ARB2A: variants seen among roughly 807,000 people sequenced by gnomAD.
The protein encoded by ARB2A is ARB2 cotranscriptional regulator A.
the ARB2A span, among the ~76,000 whole-genome samples, chr5:94,097,135 C>A: frequency 5.3e-5 from 8 of 152,190 alleles, no homozygotes; most frequent in African/African-American, 1.9e-4. Context: ...CTCCTCTACG[C>A]GGCTTTAGCA....
the ARB2A span, among the ~76,000 whole-genome samples, chr5:94,089,837 A>G: frequency 2.0e-5 from 3 of 152,234 alleles, no homozygotes; most frequent in African/African-American, 7.2e-5. Flanking sequence ...ACTATACAAT[A>G]GATGCCAGGC....
At chr5:93,738,173 A>G in the ARB2A span, 3 of 178,636 alleles carry the variant, frequency 1.7e-5, no homozygotes, top group African/African-American at 2.4e-5. Flanking sequence ...AGAAGATACA[A>G]AATAGACAAT....
At chr5:93,723,755 T>C in the ARB2A span, among the ~76,000 whole-genome samples, 1 of 152,058 alleles carries the variant, frequency 6.6e-6, no homozygotes. Context: ...TAAAAAGGGA[T>C]AATGAAATTT....
At chr5:93,813,559 G>T in the ARB2A span, among the ~76,000 whole-genome samples, 11 of 152,156 alleles carry the variant, frequency 7.2e-5, no homozygotes, top group Non-Finnish European at 8.8e-5. Context: ...CATTTGATAA[G>T]GAGATTAGCA....
the ARB2A span, among the ~76,000 whole-genome samples, chr5:93,756,031 T>TG: frequency 6.6e-6 from 1 of 152,094 alleles, no homozygotes; most frequent in Non-Finnish European, 1.5e-5. Context: ...AGGGCTGTTG[T>TG]GGGGGGCATG....
At chr5:94,046,081 G>A in the ARB2A span, among the ~76,000 whole-genome samples, 4 of 152,144 alleles carry the variant, frequency 2.6e-5, no homozygotes, top group Admixed American at 2.6e-4. Context: ...GGAGAAAACA[G>A]TGTAAGATGG....
the ARB2A span, among the ~76,000 whole-genome samples, chr5:93,936,853 C>T: frequency 6.6e-6 from 1 of 151,618 alleles, no homozygotes; most frequent in Non-Finnish European, 1.5e-5. Context: ...CAAGTGATCA[C>T]TGGTTGTTGT....
chr5:93,904,531 C>T, the ARB2A span, among the ~76,000 whole-genome samples: 59 of 151,738 alleles, frequency 3.9e-4, no homozygotes, highest in South Asian at 0.012. Flanking sequence ...AATTTAAAAT[C>T]CTATCTCTTT....
chr5:93,892,814 C>A, the ARB2A span, among the ~76,000 whole-genome samples: 1 of 152,130 alleles, frequency 6.6e-6, no homozygotes, highest in Non-Finnish European at 1.5e-5. Context: ...CTTAGTCCCA[C>A]AAAATGTCTC....
the ARB2A span, among the ~76,000 whole-genome samples, chr5:93,702,913 C>T: frequency 0.015 from 2,290 of 152,194 alleles, 21 homozygotes; most frequent in Non-Finnish European, 0.024. Flanking sequence ...CCTTCCACCA[C>T]GTTAAAACTG....
chr5:94,020,492 A>G, the ARB2A span, among the ~76,000 whole-genome samples: 1 of 152,210 alleles, frequency 6.6e-6, no homozygotes. Flanking sequence ...CAAAGATCCA[A>G]GGGCCTGCCC....
At chr5:94,088,179 C>A in the ARB2A span, among the ~76,000 whole-genome samples, 1 of 152,120 alleles carries the variant, frequency 6.6e-6, no homozygotes, top group Admixed American at 6.5e-5. Context: ...ACTGAGTAAA[C>A]CTCAGAGCAG....
the ARB2A span, among the ~76,000 whole-genome samples, chr5:93,889,955 G>A: frequency 6.6e-6 from 1 of 151,868 alleles, no homozygotes; most frequent in African/African-American, 2.4e-5. Context: ...CAGTCAACAA[G>A]TCATAGTCCT....
At chr5:93,986,250 C>T in the ARB2A span, among the ~76,000 whole-genome samples, 1 of 151,246 alleles carries the variant, frequency 6.6e-6, no homozygotes, top group Non-Finnish European at 1.5e-5. Flanking sequence ...AAGTGAGGAG[C>T]CCCTCCACCC....
At chr5:93,820,842 G>A in the ARB2A span, among the ~76,000 whole-genome samples, 14 of 152,078 alleles carry the variant, frequency 9.2e-5, no homozygotes, top group African/African-American at 2.7e-4. Context: ...GGAACACAGA[G>A]AGTTCAGAGA....
the ARB2A span, among the ~76,000 whole-genome samples, chr5:93,894,674 CTCA>C: frequency 6.6e-6 from 1 of 152,098 alleles, no homozygotes; most frequent in East Asian, 1.9e-4. Flanking sequence ...ACTTTGGTTT[CTCA>C]TCATCATCGC....
chr5:93,784,032 A>G, the ARB2A span, among the ~76,000 whole-genome samples: 11 of 152,140 alleles, frequency 7.2e-5, no homozygotes, highest in Admixed American at 6.5e-5. Context: ...TCTTTCTTGT[A>G]ACTAAATAGC....
chr5:93,995,611 G>C, the ARB2A span, among the ~76,000 whole-genome samples: 1 of 152,112 alleles, frequency 6.6e-6, no homozygotes, highest in African/African-American at 2.4e-5. Context: ...AGTTTTAGGG[G>C]CATCAAGTTA....
chr5:93,776,278 A>G, the ARB2A span: 1 of 1,541,626 alleles, frequency 6.5e-7, no homozygotes, highest in East Asian at 2.3e-5. Flanking sequence ...GTTGAAATAC[A>G]ATTTAAGCCA....
Sources: allele counts gnomAD v4.1 joint callset (sites outside exome capture counted in the v4.1 genomes callset), GRCh38; gene constraint gnomAD v4.1.1; transcripts MANE v1.5; gene names NCBI Gene and HGNC (gene_info 2026-07-23, HGNC 2026-07-21).